Variants in EHMT1 observed in about 807,000 individuals in gnomAD.
The protein encoded by EHMT1 is euchromatic histone lysine methyltransferase 1.
In EHMT1, 15 loss-of-function variants were observed where a neutral mutation model predicts 147.2. That is an observed-to-expected ratio of 0.10 (90% CI 0.07 to 0.16). EHMT1 has a LOEUF of 0.16. Ranked by LOEUF, EHMT1 falls within the 10% of genes least tolerant of loss-of-function variation. EHMT1 has a pLI of 1.00. For synonymous variants in EHMT1, 795 were observed against 709.6 expected (o/e 1.12, Z -1.91); for missense variants, 1,587 against 1,772.4 (o/e 0.90, Z 1.88).
intron 1 of EHMT1, chr9:137,667,252 A>G (rs941239635): frequency 6.6e-6 from 1 of 152,264 alleles, no homozygotes; most frequent in Non-Finnish European, 1.5e-5. Context: ...TGATGCAGGA[A>G]TGTTTTTGAA....
chr9:137,711,023 G>A lies in EHMT1; in HGVS notation c.78G>A (p.Leu26=), dbSNP rs1944659829. 6.3e-7 allele frequency: 1 copy of A among 1,592,474 alleles called. No individual in the cohort carries two copies. Among genetic ancestry groups the A allele is most frequent in the Non-Finnish European group, 8.5e-7 (1 of 1,170,118 alleles). ...ATTGCTGTGTGAAAACCGAGCTGCT[G>A]GGAGAAGGTGAGGGCGGTGTGCACC... ...QQDCCVKTEL[L]GEETPMAADE... Residue 26 remains leucine, a synonymous_variant, in exon 2 of 27, where the codon CTG becomes CTA. Transcript: ENST00000460843.
At chr9:137,826,706 C>G (rs535230485) in intron 25 of EHMT1, among the ~76,000 whole-genome samples, 1 of 152,328 alleles carries the variant, frequency 6.6e-6, no homozygotes, top group Admixed American at 6.5e-5. Flanking sequence ...GAGGGGAGAG[C>G]TTTGCTGGGG....
At chr9:137,709,376 G>T (rs1223156078) in intron 1 of EHMT1, among the ~76,000 whole-genome samples, 1 of 152,196 alleles carries the variant, frequency 6.6e-6, no homozygotes, top group Non-Finnish European at 1.5e-5. Context: ...GGAGATCAGG[G>T]GGTGGGAGGT....
intron 6 of EHMT1, 21 bp from the exon 7 acceptor site, chr9:137,752,310 T>A: frequency 6.2e-7 from 1 of 1,613,824 alleles, no homozygotes; most frequent in South Asian, 1.1e-5. Flanking sequence ...GGGTTCCCGC[T>A]TCGACTGTGT....
At chr9:137,817,923 A>G in intron 24 of EHMT1, 137 bp from the exon 25 acceptor site, 2 of 848,106 alleles carry the variant, frequency 2.4e-6, no homozygotes, top group East Asian at 2.5e-5. Flanking sequence ...CCCTGGGCAC[A>G]CCTCTCTAAA....
chr9:137,749,994 C>G (rs967245607), intron 6 of EHMT1, among the ~76,000 whole-genome samples: 2 of 152,126 alleles, frequency 1.3e-5, no homozygotes, highest in Admixed American at 1.3e-4. Flanking sequence ...ATTGACTGTT[C>G]CTGCTGATTC....
At position 137,782,148 on chromosome 9, in the gene EHMT1, T is replaced by C; in HGVS notation, c.2276-143T>C. 2 of 717,816 alleles carry C rather than the reference T, an allele frequency of 2.8e-6. No individual in the cohort carries two copies. The highest frequency in any genetic ancestry group is 2.8e-5 in the East Asian group (1 of 36,178). 44.5% of individuals were successfully genotyped at this position (717,816 alleles called of 1,614,324 possible). On this transcript the variant is annotated intron_variant, in intron 14 of 26. Transcript: ENST00000460843. This position sits in a 1 kb window ranked among gnomAD's most constrained non-coding sequence, Gnocchi z 5.7. ...AAGTCTCAAGTCCAGAGGATGGTGC[T>C]GTGGGCGGGTTCCGGCGTGGCTCGA...
chr9:137,802,382 C>T (rs909402874), intron 18 of EHMT1: 13 of 398,566 alleles, frequency 3.3e-5, no homozygotes, highest in African/African-American at 2.3e-4. Flanking sequence ...GGTGCTGTAG[C>T]CCACAGAGCT....
intron 8 of EHMT1, among the ~76,000 whole-genome samples, chr9:137,757,045 C>T (rs1949429003): frequency 6.6e-6 from 1 of 152,220 alleles, no homozygotes; most frequent in African/African-American, 2.4e-5. Flanking sequence ...ACCATCTGCC[C>T]TTGGCCGGAG....
Position 137,828,163 on chromosome 9 carries a change from A to G in EHMT1, c.3541-6186A>G, listed in dbSNP as rs1955945840. On this transcript the variant is annotated intron_variant, in intron 25 of 26. Transcript: ENST00000460843. This position sits in a 1 kb window ranked among gnomAD's most constrained non-coding sequence, Gnocchi z 5.3. Reference sequence around the variant, plus strand: ...TCTTGGGGCTACAGCCTGTGCTGTGACCATCCACAGGCCCCAGGGGGGTGC... The same window carrying G: ...TCTTGGGGCTACAGCCTGTGCTGTGGCCATCCACAGGCCCCAGGGGGGTGC... Among the ~76,000 whole-genome samples the G allele has an allele frequency of 6.6e-6, 1 of 152,088 alleles. No homozygotes were observed. Among genetic ancestry groups the G allele is most frequent in the African/African-American group, 2.4e-5 (1 of 41,420 alleles).
chr9:137,817,273 A>G (rs1954993943), intron 23 of EHMT1, 166 bp from the exon 24 acceptor site: 2 of 754,348 alleles, frequency 2.7e-6, no homozygotes, highest in Admixed American at 2.1e-5. Context: ...GCTCCCTGAG[A>G]GTGCGAGATG....
At chr9:137,715,701 G>A in intron 2 of EHMT1, 1 of 985,408 alleles carries the variant, frequency 1.0e-6, no homozygotes, top group Middle Eastern at 5.2e-4. Flanking sequence ...GATTTCCTGG[G>A]GTTGTCATCG....
chr9:137,760,669 G>C (rs1036396396), intron 9 of EHMT1, among the ~76,000 whole-genome samples: 2 of 152,226 alleles, frequency 1.3e-5, no homozygotes, highest in Non-Finnish European at 2.9e-5. Flanking sequence ...AAATGGGCTA[G>C]AGACAGACAG....
At chr9:137,830,187 A>G (rs1394693459) in intron 25 of EHMT1, among the ~76,000 whole-genome samples, 2 of 151,688 alleles carry the variant, frequency 1.3e-5, no homozygotes, top group East Asian at 3.9e-4. Context: ...ATCTTTGGCC[A>G]TGGGGAGCCC....
chr9:137,810,705 T>G (rs944520652), intron 18 of EHMT1, among the ~76,000 whole-genome samples: 33 of 134,354 alleles, frequency 2.5e-4, no homozygotes, highest in South Asian at 6.5e-4. Flanking sequence ...AAATTTTTTG[T>G]TTTTTTTTTT....
At chr9:137,696,846 A>G (rs1339661560) in intron 1 of EHMT1, among the ~76,000 whole-genome samples, 1 of 152,216 alleles carries the variant, frequency 6.6e-6, no homozygotes, top group Non-Finnish European at 1.5e-5. Flanking sequence ...GAAGAATACC[A>G]GATCAGTTCC....
At chr9:137,808,315 C>T (rs531174554) in intron 18 of EHMT1, among the ~76,000 whole-genome samples, 26 of 152,304 alleles carry the variant, frequency 1.7e-4, no homozygotes, top group African/African-American at 5.5e-4. Flanking sequence ...GGGGGCCCTG[C>T]CTGCCTACCC....
At chr9:137,743,879 G>C (rs771409796) in intron 5 of EHMT1, 23 bp from the exon 6 acceptor site, 151 of 1,599,804 alleles carry the variant, frequency 9.4e-5, no homozygotes, top group Non-Finnish European at 1.2e-4. Context: ...CTGCCTTGGG[G>C]TATACACCTG....
At chr9:137,764,332 G>A (rs983879308) in intron 10 of EHMT1, 2 of 152,304 alleles carry the variant, frequency 1.3e-5, no homozygotes, top group African/African-American at 2.4e-5. Flanking sequence ...CCTATGTGAC[G>A]GCTTTTCCCA....
Sources: allele counts gnomAD v4.1 joint callset (sites outside exome capture counted in the v4.1 genomes callset), GRCh38; gene constraint gnomAD v4.1.1; non-coding constraint Gnocchi (gnomAD v3.1); transcripts MANE v1.5; gene names NCBI Gene and HGNC (gene_info 2026-07-23, HGNC 2026-07-21).